Variants in SPTBN1 observed in about 807,000 individuals in gnomAD.
The protein encoded by SPTBN1 is spectrin beta chain, non-erythrocytic 1.
In SPTBN1, 32 loss-of-function variants were observed where a neutral mutation model predicts 266.4. The observed-to-expected ratio is 0.12, with a 90% confidence interval of 0.09 to 0.16. The LOEUF is 0.16. Among genes scored for constraint, SPTBN1 ranks in the 10% least tolerant of loss-of-function variants. The probability of loss-of-function intolerance (pLI) is 1.00; values close to 1 mark genes in which losing one functional copy is unlikely to be tolerated. For missense variants in SPTBN1, 2,296 were observed against 3,067.1 expected, an observed-to-expected ratio of 0.75 and a Z score of 5.94; for synonymous variants, 1,336 against 1,162.2, an observed-to-expected ratio of 1.15 and a Z score of -3.04.
chr2:54,513,273 C>T (rs1669950206), intron 1 of SPTBN1, among the ~76,000 whole-genome samples: 1 of 152,198 alleles, frequency 6.6e-6, no homozygotes, highest in African/African-American at 2.4e-5. Context: ...GTATATGTGT[C>T]TCACATATCA....
At chr2:54,513,494 C>T (rs1004464337) in intron 1 of SPTBN1, among the ~76,000 whole-genome samples, 5 of 152,074 alleles carry the variant, frequency 3.3e-5, no homozygotes, top group African/African-American at 9.7e-5. Context: ...AATTTCACAA[C>T]AAATAGGGCA....
rs951793091 is a variant in SPTBN1, at chr2:54,575,106, G to A, written c.149-23986G>A. Among the ~76,000 whole-genome samples the A allele has an allele frequency of 5.3e-5, 8 of 152,204 alleles. No individual in the cohort carries two copies. The East Asian group carries it at 5.8e-4, about 11-fold the overall frequency. ...GCTTCGTCTAAATAGGTGGAGACAC[G>A]TAGGAAGGCATAGTGTATACATCCA... On this transcript the variant is annotated intron_variant, in intron 2 of 35. Coordinates refer to ENST00000356805, the MANE Select transcript of SPTBN1 (RefSeq NM_003128.3).
chr2:54,659,655 A>G (rs1030977134), intron 31 of SPTBN1, among the ~76,000 whole-genome samples: 7 of 152,070 alleles, frequency 4.6e-5, no homozygotes, highest in Admixed American at 1.3e-4. Flanking sequence ...ATTATTCTCT[A>G]CTTCCAAAGG....
intron 1 of SPTBN1, among the ~76,000 whole-genome samples, chr2:54,522,580 G>C (rs1300207193): frequency 6.6e-6 from 1 of 150,708 alleles, no homozygotes; most frequent in Non-Finnish European, 1.5e-5. Flanking sequence ...GTAGTGAGCT[G>C]AGATCATGCC....
chr2:54,468,954 A>G (rs76836762), intron 1 of SPTBN1, among the ~76,000 whole-genome samples: 6,848 of 152,282 alleles, frequency 0.045, 220 homozygotes, highest in Non-Finnish European at 0.069. Context: ...AATAAATTTT[A>G]CTGGGCTGGG....
intron 2 of SPTBN1, among the ~76,000 whole-genome samples, chr2:54,573,571 A>G (rs1428673635): frequency 6.6e-6 from 1 of 152,176 alleles, no homozygotes; most frequent in Non-Finnish European, 1.5e-5. Flanking sequence ...GTGATTCAGC[A>G]GTTGATTTGG....
intron 1 of SPTBN1, among the ~76,000 whole-genome samples, chr2:54,465,628 C>A (rs1693586163): frequency 2.4e-5 from 2 of 84,944 alleles, no homozygotes; most frequent in East Asian, 5.0e-4. Context: ...GCATACATAT[C>A]ATGTTTATCT....
In SPTBN1 at chr2:54,645,079, T is replaced by C; in HGVS notation, c.4270-150T>C. On this transcript the variant is annotated intron_variant, in intron 20 of 35. Coordinates refer to ENST00000356805, the MANE Select transcript of SPTBN1 (RefSeq NM_003128.3). This position sits in a 1 kb window ranked among gnomAD's most constrained non-coding sequence, Gnocchi z 4.3. ...TTACTTGAAAACAGTTCCATTGATGTTGAAAAGCAAGTCAGTGGCAAAATG... is the reference window on the plus strand; with the variant it reads ...TTACTTGAAAACAGTTCCATTGATGCTGAAAAGCAAGTCAGTGGCAAAATG... The C allele has an allele frequency of 1.4e-6, 1 of 713,254 alleles. No individual in the cohort carries two copies. Among genetic ancestry groups the C allele is most frequent in the Non-Finnish European group, 2.3e-6 (1 of 428,936 alleles). The allele number at this position is 713,254 out of a possible 1,614,324, so 44.2% of individuals were successfully genotyped here.
At chr2:54,563,133 T>C (rs954392412) in intron 2 of SPTBN1, among the ~76,000 whole-genome samples, 43 of 152,132 alleles carry the variant, frequency 2.8e-4, no homozygotes, top group African/African-American at 1.0e-3. Flanking sequence ...GACTTCTAGA[T>C]GTTCATATTT....
intron 18 of SPTBN1, among the ~76,000 whole-genome samples, chr2:54,641,583 C>T (rs1679561043): frequency 6.6e-6 from 1 of 152,146 alleles, no homozygotes; most frequent in African/African-American, 2.4e-5. Flanking sequence ...TCTTTGATGA[C>T]AAAGGACTTT....
intron 1 of SPTBN1, among the ~76,000 whole-genome samples, chr2:54,485,158 C>CTCTCCCTCTCCCTCCG (rs1558767386): frequency 2.0e-5 from 3 of 151,856 alleles, no homozygotes; most frequent in South Asian, 2.1e-4. Flanking sequence ...CTCCCTCTCC[C>CTCTCCCTCTCCCTCCG]TCTCCCTCTC....
intron 1 of SPTBN1, among the ~76,000 whole-genome samples, chr2:54,469,453 C>G (rs1385495183): frequency 6.6e-6 from 1 of 152,132 alleles, no homozygotes; most frequent in Non-Finnish European, 1.5e-5. Context: ...GCTGGGTGGA[C>G]TTTCTCCAAC....
At chr2:54,468,184 C>G (rs369270947) in intron 1 of SPTBN1, among the ~76,000 whole-genome samples, 1 of 151,964 alleles carries the variant, frequency 6.6e-6, no homozygotes, top group African/African-American at 2.4e-5. Flanking sequence ...GTGGGCTTCT[C>G]TAGTCCCAGC....
rs182465194 is a variant in SPTBN1, at chr2:54,460,837, C to T, written c.-48+4319C>T. On this transcript the variant is annotated intron_variant, in intron 1 of 35. Coordinates refer to ENST00000356805, the MANE Select transcript of SPTBN1 (RefSeq NM_003128.3). ...CCAACATGGTGAAACCCCATCTCTACTAAAAATACAAAAATTATCTGGGCA... is the reference window on the plus strand; with the variant it reads ...CCAACATGGTGAAACCCCATCTCTATTAAAAATACAAAAATTATCTGGGCA... Among the ~76,000 whole-genome samples the T allele has an allele frequency of 1.0e-3, 153 of 152,248 alleles. 2 individuals are homozygous for T. Among genetic ancestry groups the T allele is most frequent in the Admixed American group, 1.2e-3 (18 of 15,288 alleles).
At chr2:54,597,131 A>G (rs1676142911) in intron 2 of SPTBN1, among the ~76,000 whole-genome samples, 1 of 152,190 alleles carries the variant, frequency 6.6e-6, no homozygotes, top group Non-Finnish European at 1.5e-5. Context: ...ATAACGCATA[A>G]AGGATTTTAT....
chr2:54,639,181 A>C (rs1047997371), intron 18 of SPTBN1, among the ~76,000 whole-genome samples: 3 of 152,258 alleles, frequency 2.0e-5, no homozygotes, highest in African/African-American at 7.2e-5. Flanking sequence ...TTCATGTGCC[A>C]AGACAGGGCA....
chr2:54,646,442 G>A lies in SPTBN1; in HGVS notation c.4833G>A (p.Gln1611=), dbSNP rs771132116. Residue 1611 remains glutamine, a synonymous_variant, in exon 23 of 36, where the codon CAG becomes CAA. Coordinates refer to ENST00000356805, the MANE Select transcript of SPTBN1 (RefSeq NM_003128.3). The surrounding 1 kb of genome is among the most constrained non-coding windows in gnomAD (Gnocchi z 4.4). ...AGGCCGAAGCCTGGATGAGCGAGCA[G>A]GAGCTGTACATGATGTCAGAGGAGA... The part of the protein sequence containing the change: ...AAEAEAWMSE[Q]ELYMMSEEKA... The A allele has an allele frequency of 8.9e-6, 14 of 1,574,766 alleles. No homozygotes were observed. The African/African-American group carries it at 1.6e-4, about 18-fold the overall frequency.
At chr2:54,501,781 G>A (rs1669284377) in intron 1 of SPTBN1, among the ~76,000 whole-genome samples, 1 of 152,212 alleles carries the variant, frequency 6.6e-6, no homozygotes, top group Admixed American at 6.5e-5. Context: ...ACCCCTGCCT[G>A]GGGATGGAGC....
At chr2:54,495,490 A>G (rs1668919112) in intron 1 of SPTBN1, among the ~76,000 whole-genome samples, 1 of 152,226 alleles carries the variant, frequency 6.6e-6, no homozygotes, top group African/African-American at 2.4e-5. Context: ...CAAATACTTA[A>G]GATGTTTCAT....
Sources: allele counts gnomAD v4.1 joint callset (sites outside exome capture counted in the v4.1 genomes callset), GRCh38; gene constraint gnomAD v4.1.1; non-coding constraint Gnocchi (gnomAD v3.1); transcripts MANE v1.5; gene names NCBI Gene and HGNC (gene_info 2026-07-23, HGNC 2026-07-21).